The following KCNK2 variants were observed in gnomAD, a reference collection of about 807,000 sequenced individuals.
KCNK2 encodes the protein potassium channel subfamily K member 2.
Under a neutral mutation model 40.5 loss-of-function variants are expected in KCNK2, and 21 were observed. The observed-to-expected ratio is 0.52, with a 90% CI of 0.37 to 0.75. KCNK2 has a LOEUF of 0.75. Ranked by LOEUF, KCNK2 falls within the 30% of genes least tolerant of loss-of-function variation. The pLI, the probability that KCNK2 is intolerant of heterozygous loss-of-function variation, is 0.00. For missense variants in KCNK2, 399 were observed against 531.6 expected, an observed-to-expected ratio of 0.75 and a Z score of 2.45; for synonymous variants, 191 against 202.2, an observed-to-expected ratio of 0.94 and a Z score of 0.47.
At chr1:215,024,697 A>AAAAAC (rs1395028956) in intron 1 of KCNK2, among the ~76,000 whole-genome samples, 2 of 152,188 alleles carry the variant, frequency 1.3e-5, no homozygotes, top group African/African-American at 2.4e-5. Flanking sequence ...CCTAAATGAG[A>AAAAAC]AAAACAAAAC....
At chr1:215,222,771 T>G (rs535247407) in intron 6 of KCNK2, among the ~76,000 whole-genome samples, 1 of 151,510 alleles carries the variant, frequency 6.6e-6, no homozygotes, top group East Asian at 1.9e-4. Flanking sequence ...GTAAAGAGAA[T>G]AATTGGAAAT....
rs527701590 is a variant in KCNK2 at position 215,114,849 on chromosome 1, A to G, written c.358-9784A>G. Among the ~76,000 whole-genome samples, 3 of 152,278 alleles carry G rather than the reference A, an allele frequency of 2.0e-5. No individual in the cohort carries two copies. The South Asian group carries it at 6.2e-4, about 32-fold the overall frequency. Reference sequence around the variant, plus strand: ...AGTCAACTCACTCAAAGTGAGAAATACACATTTTATGGGGCCTGAAACAGG... The same window carrying G: ...AGTCAACTCACTCAAAGTGAGAAATGCACATTTTATGGGGCCTGAAACAGG... On this transcript the variant is annotated intron_variant, in intron 2 of 6. Coordinates refer to ENST00000444842, the MANE Select transcript of KCNK2 (RefSeq NM_001017425.3).
At chr1:215,052,481 C>A (rs1163186007) in intron 1 of KCNK2, among the ~76,000 whole-genome samples, 1 of 152,130 alleles carries the variant, frequency 6.6e-6, no homozygotes, top group African/African-American at 2.4e-5. Flanking sequence ...ATTGGAATTT[C>A]AGCTTTCAAG....
At chr1:215,115,077 AT>A in intron 2 of KCNK2, among the ~76,000 whole-genome samples, 1 of 150,836 alleles carries the variant, frequency 6.6e-6, no homozygotes, top group African/African-American at 2.4e-5. Flanking sequence ...AGTTACTATG[AT>A]TTTTTAATTT....
intron 1 of KCNK2, among the ~76,000 whole-genome samples, chr1:215,011,535 AC>A (rs556540063): frequency 9.7e-4 from 147 of 152,240 alleles, no homozygotes; most frequent in African/African-American, 3.4e-3. Flanking sequence ...TCAAGAATCT[AC>A]CTGCCTCAGC....
intron 3 of KCNK2, among the ~76,000 whole-genome samples, chr1:215,128,145 GAGTTGA>G: frequency 6.6e-6 from 1 of 152,204 alleles, no homozygotes; most frequent in South Asian, 2.1e-4. Flanking sequence ...GAGTGAGAAA[GAGTTGA>G]GGGATGCTTC....
At chr1:215,058,645 A>G (rs1658250173) in intron 1 of KCNK2, among the ~76,000 whole-genome samples, 1 of 152,090 alleles carries the variant, frequency 6.6e-6, no homozygotes, top group South Asian at 2.1e-4. Flanking sequence ...CCATTGTACT[A>G]TGTTTAAAAT....
chr1:215,051,406 G>A (rs1448277402), intron 1 of KCNK2, among the ~76,000 whole-genome samples: 3 of 152,132 alleles, frequency 2.0e-5, no homozygotes, highest in Admixed American at 6.5e-5. Flanking sequence ...TCTTGTTTTT[G>A]TCTTGATCCA....
intron 1 of KCNK2, among the ~76,000 whole-genome samples, chr1:215,047,972 C>G (rs910574757): frequency 6.6e-6 from 1 of 152,144 alleles, no homozygotes; most frequent in African/African-American, 2.4e-5. Flanking sequence ...TTATTTTCTT[C>G]ATGGAATTTT....
At chr1:215,107,774 A>G (rs1259693069) in intron 2 of KCNK2, among the ~76,000 whole-genome samples, 1 of 152,102 alleles carries the variant, frequency 6.6e-6, no homozygotes, top group Admixed American at 6.6e-5. Context: ...AGCCTTCGGT[A>G]TCCGTGGGTT....
intron 1 of KCNK2, among the ~76,000 whole-genome samples, chr1:215,046,851 C>G (rs542805416): frequency 1.3e-4 from 20 of 152,132 alleles, no homozygotes; most frequent in African/African-American, 4.6e-4. Context: ...GAAGTTTGAG[C>G]AGATTATAGA....
intron 6 of KCNK2, among the ~76,000 whole-genome samples, chr1:215,222,734 C>CTTT (rs5780824): frequency 4.9e-4 from 72 of 146,522 alleles, no homozygotes; most frequent in Middle Eastern, 3.7e-3. Context: ...TCCTTTTAGG[C>CTTT]TTTTTTTTTT....
chr1:215,201,462 G>T (rs567928584), intron 6 of KCNK2, among the ~76,000 whole-genome samples: 1 of 152,280 alleles, frequency 6.6e-6, no homozygotes, highest in South Asian at 2.1e-4. Context: ...AAGGGCAACA[G>T]TCACAGTGTT....
Position 215,105,301 on chromosome 1 carries a change from G to A in KCNK2, c.357+18623G>A, listed in dbSNP as rs116100350. 3.6e-3 allele frequency among the ~76,000 whole-genome samples: 551 copies of A among 152,172 alleles called. 5 individuals are homozygous for A. Among genetic ancestry groups the A allele is most frequent in the African/African-American group, 0.012 (518 of 41,524 alleles). ...TGCTTCCATGAGTTTGGCCATTTTA[G>A]AGATACCTCATATAAGTGGGAACAT... On this transcript the variant is annotated intron_variant, in intron 2 of 6. Transcript: ENST00000444842.
chr1:215,083,511 G>A, intron 1 of KCNK2, 80 bp downstream of exon 1: 5 of 1,022,386 alleles, frequency 4.9e-6, no homozygotes, highest in East Asian at 2.4e-5. Context: ...GACTGCAAAT[G>A]CCCCCTCTCA....
upstream of KCNK2, among the ~76,000 whole-genome samples, chr1:215,080,807 G>C (rs1659125365): frequency 6.6e-6 from 1 of 152,186 alleles, no homozygotes; most frequent in South Asian, 2.1e-4. Flanking sequence ...CACCTGTGAT[G>C]GTTAGTTTTA....
intron 3 of KCNK2, among the ~76,000 whole-genome samples, chr1:215,132,646 T>G (rs1301693086): frequency 6.6e-6 from 1 of 152,074 alleles, no homozygotes; most frequent in African/African-American, 2.4e-5. Context: ...TTTTGTGTTA[T>G]TTATCCCATC....
intron 1 of KCNK2, among the ~76,000 whole-genome samples, chr1:215,017,538 T>C (rs896804228): frequency 9.2e-5 from 14 of 152,160 alleles, no homozygotes; most frequent in African/African-American, 2.6e-4. Context: ...TCTCAAAACA[T>C]TGAGCTCATA....
At chr1:215,050,220 A>G (rs1353701406) in intron 1 of KCNK2, among the ~76,000 whole-genome samples, 6 of 152,166 alleles carry the variant, frequency 3.9e-5, no homozygotes, top group Admixed American at 3.9e-4. Flanking sequence ...TTGTTAAGGC[A>G]TATCTAAGTA....
Sources: gnomAD v4.1 joint callset for allele counts (sites outside exome capture counted in the v4.1 genomes callset) on GRCh38, gnomAD v4.1.1 for gene constraint, MANE v1.5 for transcripts, NCBI Gene and HGNC (gene_info 2026-07-23, HGNC 2026-07-21) for gene names.